The following VRTN variants were observed in gnomAD, a reference collection of about 807,000 sequenced individuals.
VRTN encodes vertebrae development associated.
In VRTN, 5 loss-of-function variants were observed where a neutral mutation model predicts 18.2. The ratio of observed to expected loss-of-function variants is 0.27; its 90% CI spans 0.14 to 0.58. VRTN has a LOEUF of 0.58. VRTN is among the 20% of genes least tolerant of loss of function. The pLI, the probability that VRTN is intolerant of heterozygous loss-of-function variation, is 0.91. For synonymous variants in VRTN, 381 were observed against 393.7 expected (o/e 0.97, Z 0.38); for missense variants, 741 against 939.4 (o/e 0.79, Z 2.76).
upstream of VRTN, among the ~76,000 whole-genome samples, chr14:74,347,402 CT>C (rs998193166): frequency 6.6e-6 from 1 of 152,168 alleles, no homozygotes; most frequent in Non-Finnish European, 1.5e-5. Flanking sequence ...TCCAGTGCCC[CT>C]GGGAAAGGGT....
At chr14:74,334,284 T>C (rs536626022) in intron 1 of VRTN, among the ~76,000 whole-genome samples, 5 of 152,274 alleles carry the variant, frequency 3.3e-5, no homozygotes, top group African/African-American at 1.2e-4. Flanking sequence ...ATACCAGCAC[T>C]TTGGGAGGCT....
intron 1 of VRTN, among the ~76,000 whole-genome samples, chr14:74,321,620 C>A (rs1401878256): frequency 6.6e-6 from 1 of 151,266 alleles, no homozygotes; most frequent in Non-Finnish European, 1.5e-5. Flanking sequence ...ATTCTCCTGC[C>A]TTACCTCCTA....
rs1474167650 is a variant in VRTN at position 74,358,002 on chromosome 14, T to G, written c.1219T>G (p.Leu407Val). Residue 407 changes from leucine (L) to valine (V), a missense_variant, in exon 2 of 2, where the codon TTG becomes GTG. Coordinates refer to ENST00000256362, the MANE Select transcript of VRTN (RefSeq NM_018228.3). This position sits in a 1 kb window ranked among gnomAD's most constrained non-coding sequence, Gnocchi z 5.4. The part of the protein sequence containing the change: ...PGMVLMQRAK[L>V]YLEHCISLNT... The stretch of plus-strand genomic sequence containing the variant: ...AATGGTCTTAATGCAGCGGGCCAAG[T>G]TGTACCTGGAGCATTGCATCTCCCT... 1.2e-6 allele frequency: 2 copies of G among 1,614,202 alleles called. No homozygotes were observed. Among genetic ancestry groups the G allele is most frequent in the Non-Finnish European group, 1.7e-6 (2 of 1,180,020 alleles).
chr14:74,332,043 G>A (rs761616830), intron 1 of VRTN, among the ~76,000 whole-genome samples: 1 of 152,006 alleles, frequency 6.6e-6, no homozygotes, highest in Non-Finnish European at 1.5e-5. Context: ...TTAAAAGACT[G>A]TGCCCATATG....
At chr14:74,312,756 T>G (rs1021729520) in intron 1 of VRTN, among the ~76,000 whole-genome samples, 10 of 147,942 alleles carry the variant, frequency 6.8e-5, no homozygotes, top group African/African-American at 2.0e-4. Context: ...TGGCCTGTGT[T>G]TTTTTTTTTT....
intron 1 of VRTN, among the ~76,000 whole-genome samples, chr14:74,335,185 G>A (rs186414645): frequency 6.6e-6 from 1 of 152,334 alleles, no homozygotes; most frequent in Non-Finnish European, 1.5e-5. Flanking sequence ...GGAGGCTGAG[G>A]CAGGAGAATA....
At chr14:74,309,265 C>G (rs546143457) in intron 1 of VRTN, among the ~76,000 whole-genome samples, 2 of 152,264 alleles carry the variant, frequency 1.3e-5, no homozygotes, top group African/African-American at 2.4e-5. Flanking sequence ...CTCTCTCGCT[C>G]CACCCCAAGA....
At chr14:74,346,950 G>A (rs953370864), upstream of VRTN, among the ~76,000 whole-genome samples, 1 of 152,138 alleles carries the variant, frequency 6.6e-6, no homozygotes, top group African/African-American at 2.4e-5. Flanking sequence ...AGCACAGAGA[G>A]AACATAGTGT....
At chr14:74,344,090 G>A (rs1342818960), upstream of VRTN, among the ~76,000 whole-genome samples, 4 of 150,896 alleles carry the variant, frequency 2.7e-5, no homozygotes, top group African/African-American at 7.3e-5. Context: ...GAGCCACCAC[G>A]CCTGGCCTCC....
intron 1 of VRTN, among the ~76,000 whole-genome samples, chr14:74,335,814 G>T (rs111540317): frequency 0.034 from 5,062 of 149,798 alleles, 153 homozygotes; most frequent in African/African-American, 0.076. Flanking sequence ...GGTCTCGGCT[G>T]ACTGCAACCT....
chr14:74,313,408 A>T (rs1368410943), intron 1 of VRTN, among the ~76,000 whole-genome samples: 3 of 152,070 alleles, frequency 2.0e-5, no homozygotes, highest in African/African-American at 7.3e-5. Context: ...GAAAGTTCTT[A>T]AAAAAAATGA....
At chr14:74,303,791 C>A (rs952909299) in intron 1 of VRTN, among the ~76,000 whole-genome samples, 17 of 147,450 alleles carry the variant, frequency 1.2e-4, no homozygotes, top group African/African-American at 4.3e-4. Context: ...TATCACTTGT[C>A]TTTATGAAAG....
At chr14:74,340,701 G>GAATA (rs764852327) in intron 2 of VRTN, among the ~76,000 whole-genome samples, 2 of 152,170 alleles carry the variant, frequency 1.3e-5, no homozygotes, top group South Asian at 4.1e-4. Context: ...ATGCACAAGT[G>GAATA]AATAAATAAA....
chr14:74,337,357 A>G (rs140092171), intron 1 of VRTN, among the ~76,000 whole-genome samples: 475 of 150,218 alleles, frequency 3.2e-3, no homozygotes, highest in Non-Finnish European at 5.3e-3. Context: ...AACAAAAAAC[A>G]AACAAAAACA....
chr14:74,330,257 G>A (rs60511352), intron 1 of VRTN, among the ~76,000 whole-genome samples: 5,198 of 152,002 alleles, frequency 0.034, 155 homozygotes, highest in African/African-American at 0.077. Flanking sequence ...ATGGAAGGAA[G>A]GAAAGGTTGA....
chr14:74,332,647 G>A (rs1390541146), intron 1 of VRTN, among the ~76,000 whole-genome samples: 1 of 151,970 alleles, frequency 6.6e-6, no homozygotes, highest in African/African-American at 2.4e-5. Flanking sequence ...GTGACACCAT[G>A]CCTGGCCTCC....
At chr14:74,340,240 G>A (rs2085593672) in intron 2 of VRTN, among the ~76,000 whole-genome samples, 1 of 151,604 alleles carries the variant, frequency 6.6e-6, no homozygotes, top group Non-Finnish European at 1.5e-5. Context: ...AGCCTCCCTA[G>A]TAGCTGGGAT....
At chr14:74,310,423 G>A (rs1394565555) in intron 1 of VRTN, among the ~76,000 whole-genome samples, 1 of 148,778 alleles carries the variant, frequency 6.7e-6, no homozygotes, top group Non-Finnish European at 1.5e-5. Context: ...AAAAGGAGAA[G>A]TAGCATTGCC....
intron 1 of VRTN, among the ~76,000 whole-genome samples, chr14:74,333,091 T>C (rs1448122928): frequency 6.6e-6 from 1 of 152,134 alleles, no homozygotes; most frequent in African/African-American, 2.4e-5. Flanking sequence ...CATTAAAAAA[T>C]ATGTTTATAT....
Sources: gnomAD v4.1 joint callset for allele counts (sites outside exome capture counted in the v4.1 genomes callset) on GRCh38, gnomAD v4.1.1 for gene constraint, Gnocchi (gnomAD v3.1) non-coding constraint, MANE v1.5 for transcripts, NCBI Gene and HGNC (gene_info 2026-07-23, HGNC 2026-07-21) for gene names.